FHIT: variants seen among roughly 807,000 people sequenced by gnomAD.
The protein encoded by FHIT is fragile histidine triad diadenosine triphosphatase.
A neutral mutation model predicts 17.9 loss-of-function variants in FHIT; 19 were observed. The ratio of observed to expected loss-of-function variants is 1.06; its 90% CI spans 0.74 to 1.56. The LOEUF is 1.56. FHIT is among the 40% of genes most tolerant of loss of function. The pLI, the probability that FHIT is intolerant of heterozygous loss-of-function variation, is 0.00. For missense variants in FHIT, 248 were observed against 189.2 expected, an observed-to-expected ratio of 1.31 and a Z score of -1.82; for synonymous variants, 81 against 69.7, an observed-to-expected ratio of 1.16 and a Z score of -0.81.
intron 5 of FHIT, among the ~76,000 whole-genome samples, chr3:60,262,771 T>C (rs1418052237): frequency 1.3e-5 from 2 of 151,936 alleles, no homozygotes; most frequent in African/African-American, 2.4e-5. Context: ...TGTGAATCTC[T>C]TACCTAAAGA....
intron 5 of FHIT, among the ~76,000 whole-genome samples, chr3:60,253,515 G>A (rs1705832554): frequency 6.6e-6 from 1 of 152,080 alleles, no homozygotes; most frequent in Admixed American, 6.5e-5. Context: ...CAAATGGCAT[G>A]GAAAAAACAT....
At chr3:60,648,333 G>A (rs1403598365) in intron 4 of FHIT, among the ~76,000 whole-genome samples, 2 of 152,116 alleles carry the variant, frequency 1.3e-5, no homozygotes, top group African/African-American at 4.8e-5. Context: ...CCTGTGTAAG[G>A]GAATCATAAA....
At chr3:60,135,548 C>G (rs775894080) in intron 5 of FHIT, among the ~76,000 whole-genome samples, 1 of 152,056 alleles carries the variant, frequency 6.6e-6, no homozygotes, top group African/African-American at 2.4e-5. Context: ...GAGAAAAACA[C>G]AAACATTTCA....
intron 5 of FHIT, among the ~76,000 whole-genome samples, chr3:60,450,035 A>G (rs2031626304): frequency 1.3e-5 from 2 of 150,508 alleles, no homozygotes; most frequent in South Asian, 4.2e-4. Context: ...CATAAAAGGT[A>G]GAAAATGAAA....
intron 1 of FHIT, among the ~76,000 whole-genome samples, chr3:61,243,492 G>A (rs942148954): frequency 6.6e-6 from 1 of 152,170 alleles, no homozygotes; most frequent in Non-Finnish European, 1.5e-5. Flanking sequence ...GACAGAGGAT[G>A]GGGGTAGGAA....
At chr3:60,843,284 G>A (rs995003455) in intron 3 of FHIT, among the ~76,000 whole-genome samples, 3 of 152,058 alleles carry the variant, frequency 2.0e-5, no homozygotes, top group Admixed American at 6.6e-5. Context: ...AGTCTCATAC[G>A]ACAGGTTTTT....
chr3:60,387,705 G>T lies in FHIT; in HGVS notation c.103+149155C>A, dbSNP rs1029827724. Among the ~76,000 whole-genome samples the T allele has an allele frequency of 4.6e-5, 7 of 151,942 alleles. No homozygotes were observed. The East Asian group carries it at 1.4e-3, about 29-fold the overall frequency. On this transcript the variant is annotated intron_variant, in intron 5 of 9. Coordinates refer to ENST00000492590, the MANE Select transcript of FHIT (RefSeq NM_002012.4). ...TCTCACACCATTATTGTCACCACAG[G>T]CCTTTGAAGCGACTATACCCTCAAA... is the stretch of plus-strand genomic sequence containing the variant.
chr3:60,377,784 C>T (rs1426039370), intron 5 of FHIT, among the ~76,000 whole-genome samples: 1 of 152,050 alleles, frequency 6.6e-6, no homozygotes, highest in Non-Finnish European at 1.5e-5. Context: ...CCCGGCCCAG[C>T]CAAGAATTCT....
At chr3:61,041,507 T>C (rs2033514015) in intron 3 of FHIT, among the ~76,000 whole-genome samples, 1 of 152,148 alleles carries the variant, frequency 6.6e-6, no homozygotes, top group Non-Finnish European at 1.5e-5. Context: ...TTTGACCTTC[T>C]ACCTATGTGT....
At chr3:60,256,208 G>A (rs942752337) in intron 5 of FHIT, among the ~76,000 whole-genome samples, 1 of 152,106 alleles carries the variant, frequency 6.6e-6, no homozygotes, top group African/African-American at 2.4e-5. Flanking sequence ...AAAGTCATTA[G>A]TAACTGAAAT....
At chr3:59,799,718 G>C (rs1013636188) in intron 8 of FHIT, among the ~76,000 whole-genome samples, 1 of 152,134 alleles carries the variant, frequency 6.6e-6, no homozygotes, top group Non-Finnish European at 1.5e-5. Flanking sequence ...GCATTAACTT[G>C]GGATTCACTA....
At chr3:59,957,441 T>C (rs1241501172) in intron 7 of FHIT, among the ~76,000 whole-genome samples, 2 of 152,222 alleles carry the variant, frequency 1.3e-5, no homozygotes, top group Non-Finnish European at 2.9e-5. Flanking sequence ...TAAATGTCTT[T>C]TGTTTACACC....
chr3:60,943,400 G>A (rs1708502658), intron 3 of FHIT, among the ~76,000 whole-genome samples: 1 of 151,882 alleles, frequency 6.6e-6, no homozygotes, highest in Non-Finnish European at 1.5e-5. Flanking sequence ...AGTATATTTT[G>A]TCCGATATTA....
At chr3:59,980,716 G>T (rs79067973) in intron 7 of FHIT, among the ~76,000 whole-genome samples, 2,986 of 152,250 alleles carry the variant, frequency 0.02, 97 homozygotes, top group African/African-American at 0.067. Flanking sequence ...AGGACACAGG[G>T]AGAAGATAGC....
intron 5 of FHIT, among the ~76,000 whole-genome samples, chr3:60,211,454 TA>T (rs1338551780): frequency 2.6e-5 from 4 of 152,242 alleles, no homozygotes; most frequent in Admixed American, 1.3e-4. Flanking sequence ...TACATAATTA[TA>T]ATGCAAAATT....
intron 5 of FHIT, among the ~76,000 whole-genome samples, chr3:60,142,900 G>A (rs145726766): frequency 2.6e-4 from 39 of 152,100 alleles, no homozygotes; most frequent in African/African-American, 9.2e-4. Flanking sequence ...AACAAGATAA[G>A]AATATTTAAG....
chr3:60,556,494 C>T (rs766238401), intron 4 of FHIT, among the ~76,000 whole-genome samples: 3 of 152,188 alleles, frequency 2.0e-5, no homozygotes, highest in Non-Finnish European at 4.4e-5. Context: ...CTTCTAAATG[C>T]CCAGCCTACA....
intron 8 of FHIT, among the ~76,000 whole-genome samples, chr3:59,910,198 C>T (rs765775067): frequency 6.6e-6 from 1 of 152,162 alleles, no homozygotes; most frequent in Non-Finnish European, 1.5e-5. Context: ...AGCAATGGTT[C>T]ATTCTGGAAA....
intron 8 of FHIT, among the ~76,000 whole-genome samples, chr3:59,887,339 G>C (rs1237475861): frequency 6.6e-6 from 1 of 152,132 alleles, no homozygotes; most frequent in Non-Finnish European, 1.5e-5. Flanking sequence ...GGAAGAACAG[G>C]ATCTAAATTC....
Sources: allele counts gnomAD v4.1 joint callset (sites outside exome capture counted in the v4.1 genomes callset), GRCh38; gene constraint gnomAD v4.1.1; transcripts MANE v1.5; gene names NCBI Gene and HGNC (gene_info 2026-07-23, HGNC 2026-07-21).